The following GNG7 variants were observed in gnomAD, a reference collection of about 807,000 sequenced individuals.
The protein encoded by GNG7 is guanine nucleotide-binding protein G(I)/G(S)/G(O) subunit gamma-7.
In GNG7, 1 loss-of-function variant was observed where a neutral mutation model predicts 4.0. The ratio of observed to expected loss-of-function variants is 0.25; its 90% CI spans 0.09 to 1.18. GNG7 has a LOEUF of 1.18. Ranked by LOEUF, GNG7 falls within the 50% of genes most tolerant of loss-of-function variation. The pLI is 0.50. For synonymous variants in GNG7, 34 were observed against 36.9 expected (o/e 0.92, Z 0.29); for missense variants, 86 against 91.9 (o/e 0.94, Z 0.26).
chr19:2,588,559 C>T (rs1028444214), intron 2 of GNG7, among the ~76,000 whole-genome samples: 5 of 152,354 alleles, frequency 3.3e-5, no homozygotes, highest in Non-Finnish European at 7.3e-5. Flanking sequence ...TGGACGCGGG[C>T]CCCGTGGAAC....
chr19:2,621,751 C>A (rs1457866109), intron 2 of GNG7, among the ~76,000 whole-genome samples: 1 of 152,032 alleles, frequency 6.6e-6, no homozygotes, highest in African/African-American at 2.4e-5. Context: ...AGAGAGACAG[C>A]AGAAAACAGA....
chr19:2,700,324 G>A (rs1913370600), intron 1 of GNG7, among the ~76,000 whole-genome samples: 1 of 152,036 alleles, frequency 6.6e-6, no homozygotes, highest in Non-Finnish European at 1.5e-5. Context: ...GATATTTTTA[G>A]TAGAGACAGG....
chr19:2,561,593 G>A (rs1979742179), intron 2 of GNG7, among the ~76,000 whole-genome samples: 1 of 151,830 alleles, frequency 6.6e-6, no homozygotes, highest in African/African-American at 2.4e-5. Flanking sequence ...AATGACACTG[G>A]TTGGCCGGGC....
chr19:2,524,808 G>C (rs1440650652), intron 3 of GNG7, among the ~76,000 whole-genome samples: 1 of 152,230 alleles, frequency 6.6e-6, no homozygotes, highest in Admixed American at 6.5e-5. Flanking sequence ...ATGTCACTAT[G>C]GGTGTGTGCA....
intron 3 of GNG7, among the ~76,000 whole-genome samples, chr19:2,553,261 T>C (rs1979394117): frequency 6.6e-6 from 1 of 150,566 alleles, no homozygotes; most frequent in Non-Finnish European, 1.5e-5. Flanking sequence ...GTGTGTGACA[T>C]CCAATTAGGT....
At chr19:2,568,451 TATAC>T (rs566866797) in intron 2 of GNG7, among the ~76,000 whole-genome samples, 4,506 of 84,494 alleles carry the variant, frequency 0.053, 215 homozygotes, top group African/African-American at 0.13. Context: ...CACACATACA[TATAC>T]ATACACACAC....
At position 2,657,735 on chromosome 19, in the gene GNG7, G is replaced by A. The variant is rs117311279; in HGVS notation, c.-134-11455C>T. ...GGAAAAATTTTCGATTTACAGAAAA[G>A]TTGCAAATCTAGTCCAACGTTCCCT... On this transcript the variant is annotated intron_variant, in intron 1 of 4. Transcript: ENST00000382159. Among the ~76,000 whole-genome samples the A allele has an allele frequency of 3.3e-4, 50 of 152,166 alleles. No individual in the cohort carries two copies. In the East Asian group the frequency reaches 8.9e-3, roughly 27 times the overall value.
intron 3 of GNG7, among the ~76,000 whole-genome samples, chr19:2,526,978 TG>T (rs1978424834): frequency 6.6e-6 from 1 of 152,068 alleles, no homozygotes; most frequent in African/African-American, 2.4e-5. Context: ...CCCGAGTAGC[TG>T]GGACTACAGG....
chr19:2,639,042 G>C (rs977163210), intron 2 of GNG7, among the ~76,000 whole-genome samples: 36 of 152,116 alleles, frequency 2.4e-4, no homozygotes, highest in Middle Eastern at 6.8e-3. Context: ...TTCGACACCA[G>C]CCTGGCCAAC....
chr19:2,680,535 G>C (rs1315138287), intron 1 of GNG7, among the ~76,000 whole-genome samples: 1 of 149,564 alleles, frequency 6.7e-6, no homozygotes, highest in Non-Finnish European at 1.5e-5. Context: ...CTAACAGTGG[G>C]TTTTTTAGTA....
chr19:2,604,639 C>CAAAA (rs71178297), intron 2 of GNG7, among the ~76,000 whole-genome samples: 26 of 87,842 alleles, frequency 3.0e-4, no homozygotes, highest in East Asian at 1.7e-3. Flanking sequence ...GACCCTCCTT[C>CAAAA]AAAAAAAAAA....
intron 2 of GNG7, among the ~76,000 whole-genome samples, chr19:2,607,612 C>T (rs1002776189): frequency 7.3e-6 from 1 of 136,114 alleles, no homozygotes; most frequent in African/African-American, 2.7e-5. Flanking sequence ...AAAAGAAATA[C>T]ATATTAGGAT....
chr19:2,527,586 A>C (rs551354290), intron 3 of GNG7, among the ~76,000 whole-genome samples: 5 of 152,332 alleles, frequency 3.3e-5, no homozygotes, highest in Admixed American at 2.0e-4. Context: ...CTAGGGCCCC[A>C]GTCTGCAAAA....
At chr19:2,521,981 G>A (rs1018830473) in intron 3 of GNG7, among the ~76,000 whole-genome samples, 6 of 152,148 alleles carry the variant, frequency 3.9e-5, no homozygotes, top group Admixed American at 1.3e-4. Flanking sequence ...GAAAAACCCA[G>A]GACCTCAACA....
chr19:2,519,184 T>C (rs1326083164), intron 4 of GNG7, among the ~76,000 whole-genome samples: 1 of 133,894 alleles, frequency 7.5e-6, no homozygotes, highest in Non-Finnish European at 1.6e-5. Flanking sequence ...AGAGTCTCGC[T>C]CTGTTCCCCA....
rs114688314 is a variant in GNG7 at position 2,618,733 on chromosome 19, C to T, written c.-78+27491G>A. 0.021 allele frequency among the ~76,000 whole-genome samples: 3,193 copies of T among 152,208 alleles called. 103 individuals carry two copies. Among genetic ancestry groups the T allele is most frequent in the African/African-American group, 0.072 (3,008 of 41,510 alleles). On this transcript the variant is annotated intron_variant, in intron 2 of 4. Transcript: ENST00000382159. This position sits in a 1 kb window ranked among gnomAD's most constrained non-coding sequence, Gnocchi z 5.1. ...GTTGCAAAGAGAGAGTCCCCGCCCA[C>T]GCCTCACCAGCTTCCTCTTCAGGGG...
chr19:2,517,351 A>G (rs1257039223), intron 4 of GNG7, among the ~76,000 whole-genome samples: 1 of 151,568 alleles, frequency 6.6e-6, no homozygotes, highest in Admixed American at 6.6e-5. Context: ...ACCTGGCCAT[A>G]ATTTTCATTT....
chr19:2,594,736 CTTA>C lies in GNG7; in HGVS notation c.-77-39551_-77-39549del, dbSNP rs565838966. ...AACCACCCAATCAAATTAACACTGT[CTTA>C]TTATCAACTTGCTCCATGATTATCA... On this transcript the variant is annotated intron_variant, in intron 2 of 4. Coordinates refer to ENST00000382159, the MANE Select transcript of GNG7 (RefSeq NM_052847.3). Among the ~76,000 whole-genome samples the C allele has an allele frequency of 3.3e-5, 5 of 152,266 alleles. No individual in the cohort carries two copies. The South Asian group carries it at 6.2e-4, about 19-fold the overall frequency.
At chr19:2,524,546 G>A (rs531946679) in intron 3 of GNG7, among the ~76,000 whole-genome samples, 1 of 152,360 alleles carries the variant, frequency 6.6e-6, no homozygotes, top group East Asian at 1.9e-4. Context: ...GCATGTGTAT[G>A]TGTACCTGCA....
Sources: allele counts gnomAD v4.1 joint callset (sites outside exome capture counted in the v4.1 genomes callset), GRCh38; gene constraint gnomAD v4.1.1; non-coding constraint Gnocchi (gnomAD v3.1); transcripts MANE v1.5; gene names NCBI Gene and HGNC (gene_info 2026-07-23, HGNC 2026-07-21).